Variants in LRRC4C observed in about 807,000 individuals in gnomAD.
The protein encoded by LRRC4C is leucine-rich repeat-containing protein 4C.
A neutral mutation model predicts 33.6 loss-of-function variants in LRRC4C; 5 were observed. The ratio of observed to expected loss-of-function variants is 0.15; its 90% CI spans 0.08 to 0.31. LRRC4C has a LOEUF of 0.31. Among genes scored for constraint, LRRC4C ranks in the 10% least tolerant of loss-of-function variants. The probability of loss-of-function intolerance (pLI) is 1.00; values close to 1 mark genes in which losing one functional copy is unlikely to be tolerated. For missense variants in LRRC4C, 560 were observed against 796.7 expected (o/e 0.70, Z 3.58); for synonymous variants, 329 against 302.0 (o/e 1.09, Z -0.93).
At chr11:41,408,995 C>T (rs1366742964) in intron 1 of LRRC4C, among the ~76,000 whole-genome samples, 1 of 152,164 alleles carries the variant, frequency 6.6e-6, no homozygotes, top group African/African-American at 2.4e-5. Context: ...GCGAATGCCT[C>T]TTTCAGGTTT....
chr11:40,648,442 T>C (rs1324392623), intron 2 of LRRC4C, among the ~76,000 whole-genome samples, 164 bp from the exon 3 acceptor site: 1 of 152,230 alleles, frequency 6.6e-6, no homozygotes, highest in Non-Finnish European at 1.5e-5. Flanking sequence ...GAAAAATATT[T>C]TCTCTTTTAA....
At chr11:41,242,419 G>A (rs1054539401) in intron 1 of LRRC4C, among the ~76,000 whole-genome samples, 1 of 152,064 alleles carries the variant, frequency 6.6e-6, no homozygotes, top group Non-Finnish European at 1.5e-5. Flanking sequence ...TGGGTCAGCA[G>A]GTCCATCTGT....
intron 3 of LRRC4C, among the ~76,000 whole-genome samples, chr11:40,397,888 AAC>A (rs1256463518): frequency 6.6e-6 from 1 of 152,104 alleles, no homozygotes; most frequent in Non-Finnish European, 1.5e-5. Flanking sequence ...CTGTTGGAAA[AAC>A]AGTTTCATCT....
chr11:41,313,435 C>T (rs1025909277), intron 1 of LRRC4C, among the ~76,000 whole-genome samples: 3 of 152,110 alleles, frequency 2.0e-5, no homozygotes, highest in African/African-American at 7.2e-5. Context: ...ATTTCGTTTA[C>T]CCTTATTACT....
intron 1 of LRRC4C, among the ~76,000 whole-genome samples, chr11:41,322,366 TA>T (rs2137282400): frequency 6.6e-6 from 1 of 152,272 alleles, no homozygotes; most frequent in East Asian, 1.9e-4. Flanking sequence ...TGCAAAATTG[TA>T]ATGTTCTATC....
chr11:41,089,348 C>T (rs1940233239), intron 1 of LRRC4C, among the ~76,000 whole-genome samples: 2 of 151,938 alleles, frequency 1.3e-5, no homozygotes, highest in African/African-American at 4.8e-5. Flanking sequence ...CAGAATAGCT[C>T]TTAAAGGTGC....
intron 2 of LRRC4C, among the ~76,000 whole-genome samples, chr11:40,783,960 T>C (rs981033373): frequency 6.6e-6 from 1 of 152,134 alleles, no homozygotes; most frequent in African/African-American, 2.4e-5. Context: ...GCAACATTCA[T>C]TGGACAAATA....
At chr11:40,219,300 G>A (rs1864229886) in intron 5 of LRRC4C, among the ~76,000 whole-genome samples, 1 of 152,136 alleles carries the variant, frequency 6.6e-6, no homozygotes, top group Non-Finnish European at 1.5e-5. Context: ...CTATCACTGA[G>A]GAAATTTCTA....
chr11:40,229,710 A>G (rs1361831563), intron 5 of LRRC4C, among the ~76,000 whole-genome samples: 1 of 152,066 alleles, frequency 6.6e-6, no homozygotes, highest in African/African-American at 2.4e-5. Flanking sequence ...ACTTTGAAAC[A>G]TTTTCCTAGA....
chr11:40,799,672 G>A (rs1200148583), intron 2 of LRRC4C, among the ~76,000 whole-genome samples: 1 of 152,166 alleles, frequency 6.6e-6, no homozygotes, highest in Non-Finnish European at 1.5e-5. Flanking sequence ...GTTTTGCCAT[G>A]TTGGCCAGGC....
chr11:40,212,505 C>A (rs1389469490), intron 5 of LRRC4C, among the ~76,000 whole-genome samples: 2 of 150,744 alleles, frequency 1.3e-5, no homozygotes, highest in Non-Finnish European at 3.0e-5. Flanking sequence ...TATTAACAAA[C>A]TTCTGAAGCA....
rs551463113 is a variant in LRRC4C, at chr11:40,267,774, C to T, written c.-175-26176G>A. ...GAATTTTCAAATACTTGGTTTGCTT[C>T]AAATGGGAGTGGGCCTGTAAGCTGA... On this transcript the variant is annotated intron_variant, in intron 4 of 6. Transcript: ENST00000528697. 2.9e-4 allele frequency among the ~76,000 whole-genome samples: 44 copies of T among 152,208 alleles called. 1 individual carries two copies. The highest frequency in any genetic ancestry group is 2.6e-3 in the Admixed American group (39 of 15,268).
intron 1 of LRRC4C, among the ~76,000 whole-genome samples, chr11:41,132,493 C>A (rs971363310): frequency 6.6e-6 from 1 of 152,008 alleles, no homozygotes; most frequent in South Asian, 2.1e-4. Context: ...ATGATGCTTG[C>A]AGAGTATTTT....
intron 3 of LRRC4C, among the ~76,000 whole-genome samples, chr11:40,614,095 A>G (rs527285775): frequency 1.3e-5 from 2 of 151,926 alleles, no homozygotes; most frequent in South Asian, 4.1e-4. Flanking sequence ...TTAGCCCTTA[A>G]CAAGACAGTC....
intron 4 of LRRC4C, among the ~76,000 whole-genome samples, chr11:40,275,609 TA>T (rs1943046912): frequency 6.6e-6 from 1 of 152,090 alleles, no homozygotes; most frequent in Non-Finnish European, 1.5e-5. Flanking sequence ...AGAGACATCA[TA>T]GGAAACTCAG....
intron 3 of LRRC4C, among the ~76,000 whole-genome samples, chr11:40,426,363 C>A (rs796849448): frequency 8.4e-5 from 12 of 143,406 alleles, no homozygotes; most frequent in African/African-American, 2.5e-4. Context: ...ATATTCCTCA[C>A]TTTGATCCAG....
At chr11:40,856,724 C>A (rs954321924) in intron 2 of LRRC4C, among the ~76,000 whole-genome samples, 7 of 152,170 alleles carry the variant, frequency 4.6e-5, no homozygotes, top group Non-Finnish European at 8.8e-5. Flanking sequence ...CAAATGAAAT[C>A]ATTTCATCCT....
At chr11:41,410,649 C>G (rs1463215661) in intron 1 of LRRC4C, among the ~76,000 whole-genome samples, 1 of 151,960 alleles carries the variant, frequency 6.6e-6, no homozygotes, top group African/African-American at 2.4e-5. Context: ...ACCGTGTTAG[C>G]CAGGATGGTC....
intron 5 of LRRC4C, among the ~76,000 whole-genome samples, chr11:40,201,290 AT>A (rs1862732796): frequency 1.3e-5 from 2 of 151,962 alleles, no homozygotes; most frequent in South Asian, 4.2e-4. Flanking sequence ...CAATCTATGG[AT>A]TCCCTGTTTT....
Sources: allele counts gnomAD v4.1 joint callset (sites outside exome capture counted in the v4.1 genomes callset), GRCh38; gene constraint gnomAD v4.1.1; transcripts MANE v1.5; gene names NCBI Gene and HGNC (gene_info 2026-07-23, HGNC 2026-07-21).